Variants in DCC observed in about 807,000 individuals in gnomAD.
The protein encoded by DCC is DCC netrin 1 receptor.
Under a neutral mutation model 172.5 loss-of-function variants are expected in DCC, and 58 were observed. The observed-to-expected ratio is 0.34, with a 90% CI of 0.27 to 0.42. The LOEUF (loss-of-function observed/expected upper bound fraction) is 0.42, where lower values mean the gene tolerates loss of function less well. Ranked by LOEUF, DCC falls within the 10% of genes least tolerant of loss-of-function variation. The pLI, the probability that DCC is intolerant of heterozygous loss-of-function variation, is 1.00. For missense variants in DCC, 1,740 were observed against 1,791.0 expected (o/e 0.97, Z 0.51); for synonymous variants, 709 against 644.5 (o/e 1.10, Z -1.52).
intron 1 of DCC, among the ~76,000 whole-genome samples, chr18:52,640,641 G>A (rs2034872387): frequency 6.6e-6 from 1 of 151,518 alleles, no homozygotes; most frequent in South Asian, 2.1e-4. Context: ...AAAAAACTTA[G>A]GAATATACCT....
At chr18:53,396,157 A>G (rs1908927943) in intron 17 of DCC, among the ~76,000 whole-genome samples, 1 of 152,068 alleles carries the variant, frequency 6.6e-6, no homozygotes, top group South Asian at 2.1e-4. Flanking sequence ...TAAGATACGT[A>G]TGATATGAGT....
At chr18:52,464,360 T>A (rs1391180767) in intron 1 of DCC, among the ~76,000 whole-genome samples, 2 of 152,164 alleles carry the variant, frequency 1.3e-5, no homozygotes, top group African/African-American at 4.8e-5. Flanking sequence ...TGTGGTTTAG[T>A]TCCCTGCATC....
At chr18:52,957,772 G>T (rs892052484) in intron 5 of DCC, among the ~76,000 whole-genome samples, 1 of 152,108 alleles carries the variant, frequency 6.6e-6, no homozygotes, top group African/African-American at 2.4e-5. Flanking sequence ...CATGTGCGAA[G>T]AACTCAATAG....
At chr18:53,460,289 T>C (rs1215951900) in intron 24 of DCC, among the ~76,000 whole-genome samples, 3 of 142,372 alleles carry the variant, frequency 2.1e-5, no homozygotes, top group Non-Finnish European at 3.1e-5. Context: ...TTTTTTTTTT[T>C]TTTTTTTTTT....
intron 1 of DCC, among the ~76,000 whole-genome samples, chr18:52,715,387 C>A (rs1039230399): frequency 2.5e-4 from 37 of 150,860 alleles, no homozygotes; most frequent in Middle Eastern, 3.6e-3. Flanking sequence ...GCAACCTCCA[C>A]CTCCTGGGGT....
At chr18:52,954,425 CTTATT>C (rs1425513652) in intron 5 of DCC, among the ~76,000 whole-genome samples, 2 of 151,918 alleles carry the variant, frequency 1.3e-5, no homozygotes, top group East Asian at 3.9e-4. Context: ...TTTAGTCTGA[CTTATT>C]TTATTCTGCC....
At chr18:52,949,318 C>A (rs1172591907) in intron 5 of DCC, among the ~76,000 whole-genome samples, 4 of 152,144 alleles carry the variant, frequency 2.6e-5, no homozygotes, top group Non-Finnish European at 4.4e-5. Flanking sequence ...AAAGCAAATA[C>A]ACATAAACTG....
Position 53,467,918 on chromosome 18 carries a change from G to C in DCC, c.3644G>C (p.Ser1215Thr). 5.6e-6 allele frequency: 9 copies of C among 1,608,750 alleles called. No individual in the cohort carries two copies. Among genetic ancestry groups the C allele is most frequent in the Non-Finnish European group, 6.8e-6 (8 of 1,175,172 alleles). The stretch of plus-strand genomic sequence containing the variant: ...GGTCAAGACACTGAGGAAGCAGGGA[G>C]CTCTATGTCCACTCTGGAGAGGTCG... ...HSGQDTEEAG[S>T]SMSTLERSLA... Residue 1215 changes from serine (S) to threonine (T), a missense_variant, in exon 25 of 29, where the codon AGC (serine) becomes ACC (threonine). Transcript: ENST00000442544.
chr18:52,530,567 T>A (rs964623725), intron 1 of DCC, among the ~76,000 whole-genome samples: 1 of 152,212 alleles, frequency 6.6e-6, no homozygotes. Context: ...TAGGAGGTGC[T>A]TGGTAGGTAA....
chr18:53,063,909 T>C (rs2042531880), intron 6 of DCC, among the ~76,000 whole-genome samples: 1 of 152,162 alleles, frequency 6.6e-6, no homozygotes, highest in Non-Finnish European at 1.5e-5. Context: ...CAGCTTTTTT[T>C]TCCTACCCTG....
chr18:53,179,788 G>GT (rs2144482615), intron 9 of DCC, among the ~76,000 whole-genome samples: 1 of 152,116 alleles, frequency 6.6e-6, no homozygotes, highest in South Asian at 2.1e-4. Context: ...ACAAAATTTT[G>GT]TTTTTTCTTG....
chr18:53,217,318 C>CGT (rs2055869517), intron 12 of DCC, among the ~76,000 whole-genome samples: 201 of 67,394 alleles, frequency 3.0e-3, no homozygotes, highest in African/African-American at 8.5e-3. Context: ...TATACACACA[C>CGT]ACACACACAC....
At chr18:53,183,685 T>C (rs1436944699) in intron 9 of DCC, among the ~76,000 whole-genome samples, 1 of 152,018 alleles carries the variant, frequency 6.6e-6, no homozygotes, top group Non-Finnish European at 1.5e-5. Flanking sequence ...AAAAGATGAG[T>C]GAAAGCAACC....
At chr18:52,450,790 G>A (rs1988279066) in intron 1 of DCC, among the ~76,000 whole-genome samples, 1 of 152,054 alleles carries the variant, frequency 6.6e-6, no homozygotes, top group Non-Finnish European at 1.5e-5. Context: ...TTCACTATTG[G>A]AGAAAATGGC....
chr18:52,660,644 C>A lies in DCC; in HGVS notation c.92-91410C>A, dbSNP rs115374680. Among the ~76,000 whole-genome samples, 994 of 152,304 alleles carry A rather than the reference C, an allele frequency of 6.5e-3. 13 individuals carry two copies. Among genetic ancestry groups the A allele is most frequent in the African/African-American group, 0.023 (947 of 41,564 alleles). ...TAAGTCTTTCTTAACTTTCGAATTA[C>A]AGATTTGTGTTTCTGTAGCTTGTCA... is the stretch of plus-strand genomic sequence containing the variant. On this transcript the variant is annotated intron_variant, in intron 1 of 28. Transcript: ENST00000442544.
chr18:53,375,622 T>C, intron 15 of DCC, among the ~76,000 whole-genome samples: 1 of 151,040 alleles, frequency 6.6e-6, no homozygotes, highest in African/African-American at 2.4e-5. Flanking sequence ...AATTCTTTTT[T>C]TTTTTTTTTT....
At chr18:53,046,594 G>T (rs924113018) in intron 5 of DCC, among the ~76,000 whole-genome samples, 33 of 151,826 alleles carry the variant, frequency 2.2e-4, no homozygotes, top group Middle Eastern at 3.2e-3. Context: ...ACACTAATTT[G>T]CTGGAAAGTG....
intron 5 of DCC, among the ~76,000 whole-genome samples, chr18:53,053,311 A>G (rs538862832): frequency 6.6e-6 from 1 of 152,284 alleles, no homozygotes; most frequent in African/African-American, 2.4e-5. Context: ...GGAAGATAAG[A>G]AAGTAAATCC....
At chr18:52,401,451 C>CA (rs1986437785) in intron 1 of DCC, among the ~76,000 whole-genome samples, 1 of 152,014 alleles carries the variant, frequency 6.6e-6, no homozygotes, top group Non-Finnish European at 1.5e-5. Context: ...GACGCTGAAG[C>CA]AAATTGACCT....
Sources: allele counts gnomAD v4.1 joint callset (sites outside exome capture counted in the v4.1 genomes callset), GRCh38; gene constraint gnomAD v4.1.1; transcripts MANE v1.5; gene names NCBI Gene and HGNC (gene_info 2026-07-23, HGNC 2026-07-21).